The following HECTD2 variants were observed in gnomAD, a reference collection of about 807,000 sequenced individuals.
HECTD2 encodes HECT domain E3 ubiquitin protein ligase 2.
A neutral mutation model predicts 103.2 loss-of-function variants in HECTD2; 35 were observed. The observed-to-expected ratio is 0.34, with a 90% CI of 0.26 to 0.45. The LOEUF (loss-of-function observed/expected upper bound fraction) is 0.45, where lower values mean the gene tolerates loss of function less well. HECTD2 is among the 20% of genes least tolerant of loss of function. The pLI, the probability that HECTD2 is intolerant of heterozygous loss-of-function variation, is 1.00. For missense variants in HECTD2, 596 were observed against 937.4 expected, an observed-to-expected ratio of 0.64 and a Z score of 4.76; for synonymous variants, 281 against 329.9, an observed-to-expected ratio of 0.85 and a Z score of 1.61.
At chr10:91,421,123 A>G (rs1004320823) in intron 1 of HECTD2, among the ~76,000 whole-genome samples, 7 of 151,690 alleles carry the variant, frequency 4.6e-5, no homozygotes, top group Admixed American at 3.9e-4. Flanking sequence ...TCATTTGTCA[A>G]TTTATTTTGT....
At chr10:91,430,968 C>G (rs1564703481) in intron 2 of HECTD2, among the ~76,000 whole-genome samples, 1 of 151,214 alleles carries the variant, frequency 6.6e-6, no homozygotes, top group East Asian at 1.9e-4. Flanking sequence ...CAGTTTCTTC[C>G]TAGTCTCGAT....
intron 2 of HECTD2, among the ~76,000 whole-genome samples, chr10:91,456,413 G>A (rs1349478566): frequency 6.6e-6 from 1 of 152,056 alleles, no homozygotes; most frequent in Non-Finnish European, 1.5e-5. Flanking sequence ...TGTGATTTTT[G>A]CACATTGATT....
At chr10:91,461,226 A>C in intron 3 of HECTD2, 28 bp from the exon 4 acceptor site, 1 of 978,926 alleles carries the variant, frequency 1.0e-6, no homozygotes, top group Non-Finnish European at 1.6e-6. Context: ...TTCTATATGT[A>C]TATACGGTTA....
intron 1 of HECTD2, among the ~76,000 whole-genome samples, chr10:91,421,367 C>T (rs1308253664): frequency 6.6e-6 from 1 of 152,082 alleles, no homozygotes; most frequent in Non-Finnish European, 1.5e-5. Context: ...ATCATACATG[C>T]CAATATTTCC....
At chr10:91,500,659 G>C (rs1438941281) in intron 19 of HECTD2, 42 bp downstream of exon 19, 3 of 928,854 alleles carry the variant, frequency 3.2e-6, no homozygotes, top group Non-Finnish European at 5.3e-6. Context: ...TGTGGAGAGG[G>C]AACAGCAGAC....
chr10:91,475,888 C>T (rs1344636260), intron 5 of HECTD2, among the ~76,000 whole-genome samples: 1 of 152,282 alleles, frequency 6.6e-6, no homozygotes, highest in East Asian at 1.9e-4. Context: ...ACACAGCCGA[C>T]CCATGACAAC....
Position 91,507,160 on chromosome 10 carries a change from C to A in HECTD2, c.2211-5104C>A, listed in dbSNP as rs1331450302. ...AGAGCTATCTATGACAAACCCACAG[C>A]CAATATCATACTGAATGGGCAAAAA... On this transcript the variant is annotated intron_variant, in intron 20 of 20. Coordinates refer to ENST00000298068, the MANE Select transcript of HECTD2 (RefSeq NM_182765.6). Among the ~76,000 whole-genome samples, 4 of 151,286 alleles carry A rather than the reference C, an allele frequency of 2.6e-5. No individual in the cohort carries two copies. The South Asian group carries it at 6.3e-4, about 24-fold the overall frequency.
rs1175861075 is a variant in HECTD2 at position 91,513,754 on chromosome 10, C to T, written c.*1370C>T. 1 of 152,508 alleles carries T rather than the reference C, an allele frequency of 6.6e-6. No individual in the cohort carries two copies. The highest frequency in any genetic ancestry group is 1.5e-5 in the Non-Finnish European group (1 of 68,016). 9.4% of individuals were successfully genotyped at this position (152,508 alleles called of 1,614,324 possible). A position where few individuals can be genotyped will look rare whatever the true frequency, so the allele number is the denominator to read the frequency against. ...GGTTCATATGCAAATAATACTTTCC[C>T]CAAAATCTTTCTGGGCTAGGCTATT... On this transcript the variant is annotated 3_prime_UTR_variant, in exon 21 of 21. Coordinates refer to ENST00000298068, the MANE Select transcript of HECTD2 (RefSeq NM_182765.6).
chr10:91,424,770 A>C (rs1295478747), intron 1 of HECTD2, among the ~76,000 whole-genome samples: 1 of 152,116 alleles, frequency 6.6e-6, no homozygotes, highest in African/African-American at 2.4e-5. Context: ...GCCCAATCAC[A>C]GTGCTTAGAA....
At chr10:91,502,530 T>C (rs1218251386) in intron 20 of HECTD2, among the ~76,000 whole-genome samples, 1 of 152,188 alleles carries the variant, frequency 6.6e-6, no homozygotes, top group African/African-American at 2.4e-5. Context: ...TAATCACACA[T>C]GGTAAGTGCC....
intron 11 of HECTD2, among the ~76,000 whole-genome samples, chr10:91,490,890 CAAA>C (rs61035151): frequency 2.2e-4 from 3 of 13,614 alleles, no homozygotes; most frequent in Non-Finnish European, 3.0e-4. Flanking sequence ...GACTCCGTCT[CAAA>C]AAAAAAAAAA....
chr10:91,484,687 T>C, intron 9 of HECTD2, 32 bp downstream of exon 9: 1 of 1,525,520 alleles, frequency 6.6e-7, no homozygotes, highest in Non-Finnish European at 8.9e-7. Context: ...ATTTTTTACT[T>C]TTCTTTTGTT....
chr10:91,512,187 G>T, intron 20 of HECTD2, 77 bp from the exon 21 acceptor site: 1 of 1,450,558 alleles, frequency 6.9e-7, no homozygotes, highest in Non-Finnish European at 9.5e-7. Flanking sequence ...GTGTGTCCTG[G>T]TATTTTTTAA....
rs188247891 is a variant in HECTD2 at position 91,435,010 on chromosome 10, G to C, written c.268+9600G>C. ...TGTGGAGGAAGGTATCATGGGGCAG[G>C]AACATTACTCTTAGCAACTGATGGC... On this transcript the variant is annotated intron_variant, in intron 2 of 20. Coordinates refer to ENST00000298068, the MANE Select transcript of HECTD2 (RefSeq NM_182765.6). Among the ~76,000 whole-genome samples, 5 of 151,960 alleles carry C rather than the reference G, an allele frequency of 3.3e-5. No individual in the cohort carries two copies. In the East Asian group the frequency reaches 9.7e-4, roughly 29 times the overall value.
At position 91,462,085 on chromosome 10, in the gene HECTD2, G is replaced by T; in HGVS notation, c.511-10G>T. The T allele has an allele frequency of 1.9e-6, 3 of 1,566,868 alleles. No individual in the cohort carries two copies. Among genetic ancestry groups the T allele is most frequent in the South Asian group, 2.3e-5 (2 of 87,894 alleles). On this transcript the variant is annotated splice_polypyrimidine_tract_variant and intron_variant, in intron 4 of 20. Coordinates refer to ENST00000298068, the MANE Select transcript of HECTD2 (RefSeq NM_182765.6). ...GTTGAATATACTTAATTCTTAAATT[G>T]AATTTGCAGAAAGATGCCACTGCCT...
At chr10:91,412,007 A>AGTG (rs60618386) in intron 1 of HECTD2, among the ~76,000 whole-genome samples, 30,508 of 152,042 alleles carry the variant, frequency 0.2, 7,259 homozygotes, top group African/African-American at 0.58. Flanking sequence ...TATTCATCTC[A>AGTG]TAACTGAAAA....
chr10:91,426,567 T>TAC (rs58234316), intron 2 of HECTD2, among the ~76,000 whole-genome samples: 26,693 of 150,106 alleles, frequency 0.18, 5,188 homozygotes, highest in African/African-American at 0.49. Flanking sequence ...CATACAAACA[T>TAC]ACACACACAC....
chr10:91,508,543 T>C (rs1847287249), intron 20 of HECTD2, among the ~76,000 whole-genome samples: 1 of 150,688 alleles, frequency 6.6e-6, no homozygotes, highest in South Asian at 2.1e-4. Flanking sequence ...TCACTGGCCA[T>C]CAGAGAAATG....
intron 18 of HECTD2, among the ~76,000 whole-genome samples, chr10:91,499,464 G>A (rs918157843): frequency 2.6e-5 from 4 of 152,196 alleles, no homozygotes; most frequent in South Asian, 4.2e-4. Context: ...GGCACACAAC[G>A]CAGTTAACAT....
Sources: allele counts gnomAD v4.1 joint callset (sites outside exome capture counted in the v4.1 genomes callset), GRCh38; gene constraint gnomAD v4.1.1; transcripts MANE v1.5; gene names NCBI Gene and HGNC (gene_info 2026-07-23, HGNC 2026-07-21).